Variants in BMP6 observed in about 807,000 individuals in gnomAD.
BMP6 encodes the protein VG-1-R.
BMP6 carries 17 observed loss-of-function variants against 54.1 expected under a neutral mutation model. The observed-to-expected ratio is 0.31, with a 90% CI of 0.22 to 0.47. The LOEUF (loss-of-function observed/expected upper bound fraction) is 0.47, where lower values mean the gene tolerates loss of function less well. BMP6 is among the 20% of genes least tolerant of loss of function. The pLI, the probability that BMP6 is intolerant of heterozygous loss-of-function variation, is 1.00. For synonymous variants in BMP6, 328 were observed against 291.2 expected (o/e 1.13, Z -1.28); for missense variants, 720 against 690.4 (o/e 1.04, Z -0.48).
At chr6:7,861,641 C>T (rs1475909518) in intron 3 of BMP6, 42 bp downstream of exon 3, 1 of 1,608,040 alleles carries the variant, frequency 6.2e-7, no homozygotes, top group Non-Finnish European at 8.5e-7. Context: ...AGCAAGTCAT[C>T]AGTTTCACAC....
intron 1 of BMP6, among the ~76,000 whole-genome samples, chr6:7,735,915 C>G (rs1415374263): frequency 6.6e-6 from 1 of 152,124 alleles, no homozygotes; most frequent in Non-Finnish European, 1.5e-5. Context: ...GTACATTAAA[C>G]AAGGAAAAAC....
At chr6:7,815,075 A>G (rs1475003530) in intron 1 of BMP6, among the ~76,000 whole-genome samples, 1 of 151,992 alleles carries the variant, frequency 6.6e-6, no homozygotes, top group African/African-American at 2.4e-5. Context: ...TTCCTAAATC[A>G]CCTCTTGTAA....
At chr6:7,804,676 A>T (rs2146015) in intron 1 of BMP6, among the ~76,000 whole-genome samples, 90,909 of 152,070 alleles carry the variant, frequency 0.6, 27,777 homozygotes, top group African/African-American at 0.71. Flanking sequence ...TGCCAGTCAC[A>T]GTGCTGGGTT....
intron 1 of BMP6, among the ~76,000 whole-genome samples, chr6:7,808,863 A>C (rs1025116459): frequency 1.4e-5 from 2 of 146,294 alleles, no homozygotes. Flanking sequence ...GCATTGAGCT[A>C]TGATAGTGGA....
intron 4 of BMP6, among the ~76,000 whole-genome samples, chr6:7,868,824 C>T (rs1759471848): frequency 6.6e-6 from 1 of 152,176 alleles, no homozygotes; most frequent in South Asian, 2.1e-4. Context: ...CGAGTGGCCC[C>T]TCTGCAGAAG....
At chr6:7,875,614 G>A (rs571403326) in intron 4 of BMP6, among the ~76,000 whole-genome samples, 12 of 152,298 alleles carry the variant, frequency 7.9e-5, no homozygotes, top group African/African-American at 2.9e-4. Flanking sequence ...TCTGCAGTGA[G>A]CCATGATTGT....
At chr6:7,824,546 G>T (rs1455497189) in intron 1 of BMP6, among the ~76,000 whole-genome samples, 1 of 152,208 alleles carries the variant, frequency 6.6e-6, no homozygotes, top group South Asian at 2.1e-4. Context: ...TAGCTAAATA[G>T]GAGATACCAT....
intron 1 of BMP6, among the ~76,000 whole-genome samples, chr6:7,834,865 A>C (rs905448414): frequency 2.0e-5 from 3 of 152,186 alleles, no homozygotes. Flanking sequence ...TATATACCTA[A>C]TTGTCATTTT....
intron 1 of BMP6, among the ~76,000 whole-genome samples, chr6:7,821,334 A>G (rs573481332): frequency 3.3e-5 from 5 of 152,150 alleles, no homozygotes; most frequent in African/African-American, 1.2e-4. Flanking sequence ...GGGTTCTTGC[A>G]TTGTGCCCAT....
In BMP6 at chr6:7,726,753, C is replaced by T. The variant is rs1442805886; in HGVS notation, c.-203C>T. 1.5e-5 allele frequency: 3 copies of T among 203,100 alleles called. No individual in the cohort carries two copies. Among genetic ancestry groups the T allele is most frequent in the African/African-American group, 2.4e-5 (1 of 42,484 alleles). The allele number at this position is 203,100 out of a possible 1,614,324, so 12.6% of individuals were successfully genotyped here. Reference sequence around the variant, plus strand: ...TCCAAGCGGTTCTCCTGGTGATCGCCCCTTCGCCACCTCTCTAGCCTGGGC... The same window carrying T: ...TCCAAGCGGTTCTCCTGGTGATCGCTCCTTCGCCACCTCTCTAGCCTGGGC... On this transcript the variant is annotated 5_prime_UTR_variant, in exon 1 of 7. Transcript: ENST00000283147.
intron 1 of BMP6, among the ~76,000 whole-genome samples, chr6:7,793,006 A>G (rs1758132629): frequency 6.6e-6 from 1 of 152,192 alleles, no homozygotes; most frequent in Non-Finnish European, 1.5e-5. Flanking sequence ...AAGAAATAGA[A>G]TTTCTTTATT....
rs1447943484 is a variant in BMP6 at position 7,861,577 on chromosome 6, G to A, written c.984G>A (p.Gln328=). 2 of 1,614,172 alleles carry A rather than the reference G, an allele frequency of 1.2e-6. No individual in the cohort carries two copies. Among genetic ancestry groups the A allele is most frequent in the East Asian group, 2.2e-5 (1 of 44,892 alleles). The change falls in exon 3 of 7, where the codon CAG becomes CAA. Residue 328 remains glutamine, a synonymous_variant. Coordinates refer to ENST00000283147, the MANE Select transcript of BMP6 (RefSeq NM_001718.6). ...VVTPQHNMGL[Q]LSVVTRDGVH... ...CTCCACAGCATAACATGGGGCTTCAGCTGAGCGTGGTGACAAGGGATGGTA... is the reference window on the plus strand; with the variant it reads ...CTCCACAGCATAACATGGGGCTTCAACTGAGCGTGGTGACAAGGGATGGTA...
intron 1 of BMP6, among the ~76,000 whole-genome samples, chr6:7,807,838 G>A (rs1182304564): frequency 6.6e-6 from 1 of 151,494 alleles, no homozygotes; most frequent in Non-Finnish European, 1.5e-5. Flanking sequence ...ACCAAAGAAT[G>A]CAGACATTGG....
chr6:7,742,539 A>G (rs550935899), intron 1 of BMP6, among the ~76,000 whole-genome samples: 1 of 152,358 alleles, frequency 6.6e-6, no homozygotes, highest in East Asian at 1.9e-4. Context: ...CCCGCTAGGC[A>G]ACAGGGAGCA....
At chr6:7,748,635 C>T (rs897436423) in intron 1 of BMP6, among the ~76,000 whole-genome samples, 14 of 152,258 alleles carry the variant, frequency 9.2e-5, no homozygotes, top group Admixed American at 7.2e-4. Context: ...ACAAATACCC[C>T]GTGAATAAGC....
chr6:7,758,722 G>A (rs930152154), intron 1 of BMP6, among the ~76,000 whole-genome samples: 8 of 152,180 alleles, frequency 5.3e-5, no homozygotes, highest in African/African-American at 1.9e-4. Flanking sequence ...CAGCCCTTGG[G>A]TCCGGCTGTG....
chr6:7,855,549 CTCTCTTTTTTT>C (rs1339452918), intron 2 of BMP6, among the ~76,000 whole-genome samples: 25 of 115,352 alleles, frequency 2.2e-4, no homozygotes, highest in African/African-American at 7.4e-4. Context: ...CTCTCTCTCT[CTCTCTTTTTTT>C]TTTTTTTTTT....
At chr6:7,797,611 T>C (rs995019888) in intron 1 of BMP6, among the ~76,000 whole-genome samples, 7 of 152,188 alleles carry the variant, frequency 4.6e-5, no homozygotes, top group African/African-American at 7.2e-5. Context: ...ACTGTTCTCA[T>C]TGGACATTAT....
intron 4 of BMP6, among the ~76,000 whole-genome samples, chr6:7,874,476 C>G (rs2113292553): frequency 6.6e-6 from 1 of 152,314 alleles, no homozygotes; most frequent in African/African-American, 2.4e-5. Context: ...AAAGACAAGG[C>G]CAGGCGAGGT....
Sources: allele counts gnomAD v4.1 joint callset (sites outside exome capture counted in the v4.1 genomes callset), GRCh38; gene constraint gnomAD v4.1.1; transcripts MANE v1.5; gene names NCBI Gene and HGNC (gene_info 2026-07-23, HGNC 2026-07-21).